Variants in PACRG observed in about 807,000 individuals in gnomAD.
The protein encoded by PACRG is parkin coregulated gene protein.
PACRG carries 29 observed loss-of-function variants against 29.7 expected under a neutral mutation model. The ratio of observed to expected loss-of-function variants is 0.98; its 90% CI spans 0.73 to 1.33. The LOEUF (loss-of-function observed/expected upper bound fraction) is 1.33. Among genes scored for constraint, PACRG ranks in the 40% most tolerant of loss-of-function variants. The pLI is 0.00. For synonymous variants in PACRG, 116 were observed against 118.7 expected (o/e 0.98, Z 0.15); for missense variants, 279 against 316.2 (o/e 0.88, Z 0.89).
At chr6:163,263,239 A>G (rs576353584) in intron 4 of PACRG, among the ~76,000 whole-genome samples, 1 of 151,308 alleles carries the variant, frequency 6.6e-6, no homozygotes, top group African/African-American at 2.4e-5. Flanking sequence ...TCCCATCCCG[A>G]GAGCCCAGAA....
rs565535026 is a variant in PACRG at position 163,235,451 on chromosome 6, A to G, written c.614-79376A>G. Among the ~76,000 whole-genome samples the G allele has an allele frequency of 4.2e-4, 64 of 152,280 alleles. No individual in the cohort carries two copies. The Middle Eastern group carries it at 0.01, about 24-fold the overall frequency. On this transcript the variant is annotated intron_variant, in intron 4 of 4. Transcript: ENST00000366888. ...GAGAGGAGGTGGTGTTGGTGACTAGAAAATGTATGTCTTGAGAGCATGGTG... is the reference window on the plus strand; with the variant it reads ...GAGAGGAGGTGGTGTTGGTGACTAGGAAATGTATGTCTTGAGAGCATGGTG...
intron 1 of PACRG, among the ~76,000 whole-genome samples, chr6:162,784,527 TG>T (rs1784316457): frequency 6.6e-6 from 1 of 152,140 alleles, no homozygotes; most frequent in Admixed American, 6.5e-5. Context: ...AGGTTTTTTT[TG>T]TTTGTTGTTT....
chr6:162,737,979 T>G (rs1450600071), intron 1 of PACRG, among the ~76,000 whole-genome samples: 2 of 152,088 alleles, frequency 1.3e-5, no homozygotes, highest in Non-Finnish European at 2.9e-5. Flanking sequence ...AAAATTTAAA[T>G]CTACAAATAA....
At chr6:163,022,077 T>C (rs1343963538) in intron 2 of PACRG, among the ~76,000 whole-genome samples, 2 of 152,184 alleles carry the variant, frequency 1.3e-5, no homozygotes, top group Non-Finnish European at 2.9e-5. Flanking sequence ...CACATTCACT[T>C]GGCCAGCCAG....
intron 4 of PACRG, among the ~76,000 whole-genome samples, chr6:163,144,448 C>T (rs946222085): frequency 4.0e-5 from 6 of 151,766 alleles, no homozygotes; most frequent in Non-Finnish European, 7.4e-5. Flanking sequence ...TGAAAACACA[C>T]GAATAAAAAT....
chr6:162,902,015 T>C (rs931010208), intron 2 of PACRG, among the ~76,000 whole-genome samples: 1 of 152,244 alleles, frequency 6.6e-6, no homozygotes, highest in Non-Finnish European at 1.5e-5. Flanking sequence ...GGCCTGTGTG[T>C]GTCCATGCGT....
At chr6:163,184,095 C>G (rs1313172156) in intron 4 of PACRG, among the ~76,000 whole-genome samples, 1 of 152,160 alleles carries the variant, frequency 6.6e-6, no homozygotes, top group African/African-American at 2.4e-5. Context: ...TGAACTTCAG[C>G]CAGTTGAAAA....
chr6:163,233,205 T>A (rs1036238281), intron 4 of PACRG, among the ~76,000 whole-genome samples: 2 of 152,244 alleles, frequency 1.3e-5, no homozygotes, highest in African/African-American at 4.8e-5. Flanking sequence ...TCTCACCTAC[T>A]TTCATGTTTT....
At chr6:163,299,124 T>C (rs572764352) in intron 4 of PACRG, among the ~76,000 whole-genome samples, 1 of 152,348 alleles carries the variant, frequency 6.6e-6, no homozygotes, top group African/African-American at 2.4e-5. Flanking sequence ...CCTCAGCTGC[T>C]GAAGCTCTAG....
chr6:163,219,448 T>C (rs182895201), intron 4 of PACRG, among the ~76,000 whole-genome samples: 133 of 152,332 alleles, frequency 8.7e-4, no homozygotes, highest in Middle Eastern at 3.4e-3. Flanking sequence ...TTCTAGTTCT[T>C]CTCCTTGCAT....
chr6:162,941,035 T>C (rs1207201339), intron 2 of PACRG, among the ~76,000 whole-genome samples: 4 of 108,496 alleles, frequency 3.7e-5, no homozygotes, highest in South Asian at 3.7e-4. Flanking sequence ...TTTGTATATG[T>C]GTGTGTTTGT....
chr6:162,981,305 A>ATATATATATATATATTTTTTTTT (rs925663285), intron 2 of PACRG, among the ~76,000 whole-genome samples: 4 of 149,132 alleles, frequency 2.7e-5, no homozygotes, highest in Admixed American at 6.7e-5. Context: ...ATATATATAT[A>ATATATATATATATATTTTTTTTT]TTTACAATGG....
At chr6:163,111,157 A>G (rs1815692450) in intron 4 of PACRG, among the ~76,000 whole-genome samples, 1 of 152,198 alleles carries the variant, frequency 6.6e-6, no homozygotes, top group Non-Finnish European at 1.5e-5. Context: ...CTGCCCAAGA[A>G]CAGGAAGACC....
chr6:163,299,276 C>G (rs932363363), intron 4 of PACRG, among the ~76,000 whole-genome samples: 2 of 152,212 alleles, frequency 1.3e-5, no homozygotes, highest in Admixed American at 6.5e-5. Flanking sequence ...CAAACAGACA[C>G]TGATCTAAGC....
intron 4 of PACRG, chr6:163,179,446 T>A (rs905500885): frequency 2.0e-5 from 6 of 301,572 alleles, no homozygotes; most frequent in African/African-American, 1.1e-4. Flanking sequence ...ACGCTTGTAA[T>A]CCCAACACTT....
chr6:163,212,849 G>T (rs1428333470), intron 4 of PACRG, among the ~76,000 whole-genome samples: 1 of 151,900 alleles, frequency 6.6e-6, no homozygotes, highest in African/African-American at 2.4e-5. Flanking sequence ...CACGATCTCG[G>T]CTCACTGCAA....
At chr6:162,997,367 T>C (rs1804164090) in intron 2 of PACRG, 4 of 449,102 alleles carry the variant, frequency 8.9e-6, no homozygotes, top group Non-Finnish European at 1.8e-5. Context: ...TAGTCCTTTT[T>C]GTAGTCAAAC....
chr6:162,947,367 C>CATATATG (rs1799153485), intron 2 of PACRG, among the ~76,000 whole-genome samples: 3 of 41,874 alleles, frequency 7.2e-5, no homozygotes, highest in African/African-American at 1.5e-4. Context: ...ATAATGTAAT[C>CATATATG]ATATATAATC....
intron 4 of PACRG, among the ~76,000 whole-genome samples, chr6:163,187,232 T>G (rs1169876122): frequency 1.3e-5 from 2 of 152,176 alleles, no homozygotes; most frequent in Non-Finnish European, 2.9e-5. Flanking sequence ...GCTCCTCCGT[T>G]GTATGCCCAA....
Sources: allele counts gnomAD v4.1 joint callset (sites outside exome capture counted in the v4.1 genomes callset), GRCh38; gene constraint gnomAD v4.1.1; transcripts MANE v1.5; gene names NCBI Gene and HGNC (gene_info 2026-07-23, HGNC 2026-07-21).